PPARG: variants seen among roughly 807,000 people sequenced by gnomAD.
PPARG encodes the protein peroxisome proliferator activated receptor gamma.
Under a neutral mutation model 39.2 loss-of-function variants are expected in PPARG, and 17 were observed. That is an observed-to-expected ratio of 0.43 (90% CI 0.30 to 0.65). The LOEUF (loss-of-function observed/expected upper bound fraction) is 0.65, where lower values mean the gene tolerates loss of function less well. Ranked by LOEUF, PPARG falls within the 30% of genes least tolerant of loss-of-function variation. PPARG has a pLI of 0.13. For synonymous variants in PPARG, 223 were observed against 215.7 expected, an observed-to-expected ratio of 1.03 and a Z score of -0.30; for missense variants, 406 against 585.9, an observed-to-expected ratio of 0.69 and a Z score of 3.17.
intron 2 of PPARG, among the ~76,000 whole-genome samples, chr3:12,373,227 C>T (rs2049283650): frequency 6.6e-6 from 1 of 152,054 alleles, no homozygotes; most frequent in Admixed American, 6.6e-5. Flanking sequence ...CACTGTGCCT[C>T]CCAGTAACTA....
chr3:12,405,999 T>A lies in PPARG; in HGVS notation c.647T>A (p.Leu216Ter). Residue 216 changes from leucine (L) to a stop codon, truncating the protein, a stop_gained, in exon 6 of 8, where the codon TTG (leucine) becomes TAG (stop). Transcript: ENST00000651735. LOFTEE classifies it high-confidence loss of function. Reference protein sequence around the residue: ...SADLRALAKHLYDSYIKSFPL... With the variant: ...SADLRALAKH ...GACCTCCGGGCCCTGGCAAAACATT[T>A]GTATGACTCATACATAAAGTCCTTC... The A allele has an allele frequency of 6.2e-7, 1 of 1,614,192 alleles. No individual in the cohort carries two copies. Among genetic ancestry groups the A allele is most frequent in the Non-Finnish European group, 8.5e-7 (1 of 1,180,022 alleles).
intron 6 of PPARG, among the ~76,000 whole-genome samples, chr3:12,411,004 C>T (rs1472525006): frequency 6.6e-6 from 1 of 152,242 alleles, no homozygotes; most frequent in Non-Finnish European, 1.5e-5. Flanking sequence ...GATAGTAGTG[C>T]CAATTCATTT....
intron 2 of PPARG, among the ~76,000 whole-genome samples, chr3:12,331,924 A>C (rs67100517): frequency 6.6e-6 from 1 of 151,978 alleles, no homozygotes; most frequent in South Asian, 2.1e-4. Flanking sequence ...AGATATTTCA[A>C]TGGAGTTACC....
chr3:12,346,583 G>A (rs371901033), intron 2 of PPARG, among the ~76,000 whole-genome samples: 8 of 151,910 alleles, frequency 5.3e-5, no homozygotes, highest in African/African-American at 1.5e-4. Context: ...TACTGCTTCT[G>A]AGTTAAGAAG....
At chr3:12,431,504 A>G (rs550763609) in intron 7 of PPARG, among the ~76,000 whole-genome samples, 4 of 152,234 alleles carry the variant, frequency 2.6e-5, no homozygotes, top group Non-Finnish European at 4.4e-5. Context: ...TTAAAAAGGA[A>G]TTCAATAAAT....
chr3:12,330,741 A>G (rs559886905), intron 2 of PPARG, among the ~76,000 whole-genome samples: 1 of 152,290 alleles, frequency 6.6e-6, no homozygotes, highest in Admixed American at 6.5e-5. Context: ...CCCAAATCTC[A>G]TTTAACAAGC....
At chr3:12,334,138 C>T (rs1254532881) in intron 2 of PPARG, among the ~76,000 whole-genome samples, 1 of 152,106 alleles carries the variant, frequency 6.6e-6, no homozygotes, top group Admixed American at 6.5e-5. Flanking sequence ...TATAATATTT[C>T]CCACAGTGTC....
At chr3:12,357,355 C>T (rs1395760822) in intron 2 of PPARG, among the ~76,000 whole-genome samples, 2 of 152,156 alleles carry the variant, frequency 1.3e-5, no homozygotes, top group African/African-American at 4.8e-5. Flanking sequence ...CAGATGCTCT[C>T]CTGCCTTCGT....
At chr3:12,322,145 A>G (rs561026405) in intron 2 of PPARG, among the ~76,000 whole-genome samples, 3 of 152,256 alleles carry the variant, frequency 2.0e-5, no homozygotes, top group African/African-American at 7.2e-5. Flanking sequence ...AAAGGAATCC[A>G]TAAAAATACA....
At chr3:12,335,402 A>C (rs1214326717) in intron 2 of PPARG, among the ~76,000 whole-genome samples, 2 of 152,222 alleles carry the variant, frequency 1.3e-5, no homozygotes, top group Non-Finnish European at 2.9e-5. Flanking sequence ...TGAAATAAGC[A>C]GTTTTGACCA....
chr3:12,361,598 A>G (rs904974917), intron 2 of PPARG, among the ~76,000 whole-genome samples: 2 of 152,250 alleles, frequency 1.3e-5, no homozygotes, highest in Non-Finnish European at 2.9e-5. Flanking sequence ...TGAAAAGATC[A>G]TCCTTTGCCC....
At chr3:12,298,160 G>A (rs1393601468) in intron 1 of PPARG, among the ~76,000 whole-genome samples, 1 of 148,926 alleles carries the variant, frequency 6.7e-6, no homozygotes, top group Non-Finnish European at 1.5e-5. Context: ...TTAGCCGGGC[G>A]TAGTGGCGGG....
At chr3:12,305,465 A>G (rs1201230947) in intron 1 of PPARG, among the ~76,000 whole-genome samples, 3 of 152,336 alleles carry the variant, frequency 2.0e-5, no homozygotes, top group South Asian at 2.1e-4. Context: ...TTGTAAGCGT[A>G]ATGGCTTGTT....
intron 2 of PPARG, among the ~76,000 whole-genome samples, chr3:12,370,316 G>A (rs1321191411): frequency 6.6e-6 from 1 of 151,304 alleles, no homozygotes; most frequent in African/African-American, 2.4e-5. Context: ...CTGTCAGGAA[G>A]TACTTATGAT....
At chr3:12,346,260 C>G (rs756676684) in intron 2 of PPARG, among the ~76,000 whole-genome samples, 1 of 152,032 alleles carries the variant, frequency 6.6e-6, no homozygotes, top group Non-Finnish European at 1.5e-5. Flanking sequence ...GATGAAAGTG[C>G]CTTTTATACT....
At chr3:12,372,814 G>C (rs1261382636) in intron 2 of PPARG, among the ~76,000 whole-genome samples, 3 of 152,120 alleles carry the variant, frequency 2.0e-5, no homozygotes, top group Non-Finnish European at 4.4e-5. Context: ...TTTGAGTATT[G>C]TGAAAAGTCT....
intron 2 of PPARG, among the ~76,000 whole-genome samples, chr3:12,362,243 A>G (rs970656207): frequency 9.9e-5 from 15 of 152,238 alleles, no homozygotes; most frequent in Non-Finnish European, 1.6e-4. Context: ...TCTGCCTAAC[A>G]TGGTGGCTCA....
intron 2 of PPARG, among the ~76,000 whole-genome samples, chr3:12,348,612 G>A (rs2048393006): frequency 6.6e-6 from 1 of 152,188 alleles, no homozygotes; most frequent in Non-Finnish European, 1.5e-5. Context: ...AGTCCTAGGA[G>A]AGATGGCCCT....
chr3:12,414,853 G>A (rs1184864175), intron 6 of PPARG, among the ~76,000 whole-genome samples: 1 of 152,138 alleles, frequency 6.6e-6, no homozygotes, highest in African/African-American at 2.4e-5. Context: ...TTGCTAAGTA[G>A]TACAGTTGAA....
Sources: allele counts gnomAD v4.1 joint callset (sites outside exome capture counted in the v4.1 genomes callset), GRCh38; gene constraint gnomAD v4.1.1; transcripts MANE v1.5; gene names NCBI Gene and HGNC (gene_info 2026-07-23, HGNC 2026-07-21).